Variants in CHSY3 observed in about 807,000 individuals in gnomAD.
CHSY3 encodes N-acetylgalactosaminyl-proteoglycan 3-beta-glucuronosyltransferase 3.
A neutral mutation model predicts 67.2 loss-of-function variants in CHSY3; 35 were observed. That is an observed-to-expected ratio of 0.52 (90% CI 0.40 to 0.69). The LOEUF is 0.69. CHSY3 is among the 30% of genes least tolerant of loss of function. The pLI, the probability that CHSY3 is intolerant of heterozygous loss-of-function variation, is 0.00. For synonymous variants in CHSY3, 474 were observed against 434.7 expected (o/e 1.09, Z -1.12); for missense variants, 1,069 against 1,138.5 (o/e 0.94, Z 0.88).
intron 2 of CHSY3, among the ~76,000 whole-genome samples, chr5:129,975,410 A>G (rs1297674687): frequency 6.6e-6 from 1 of 152,172 alleles, no homozygotes; most frequent in Non-Finnish European, 1.5e-5. Flanking sequence ...TGAAGGAAGT[A>G]GCAAGTTGAA....
At chr5:129,946,023 C>T (rs1213197920) in intron 2 of CHSY3, among the ~76,000 whole-genome samples, 1 of 152,128 alleles carries the variant, frequency 6.6e-6, no homozygotes, top group African/African-American at 2.4e-5. Flanking sequence ...TCTTCCCACA[C>T]TTAGCTGTGA....
intron 2 of CHSY3, among the ~76,000 whole-genome samples, chr5:130,081,831 C>A (rs1432063276): frequency 6.6e-6 from 1 of 152,048 alleles, no homozygotes; most frequent in Non-Finnish European, 1.5e-5. Flanking sequence ...TTATAAATTA[C>A]CCACTCTCGG....
At chr5:130,089,143 G>T (rs375124518) in intron 2 of CHSY3, among the ~76,000 whole-genome samples, 2 of 145,698 alleles carry the variant, frequency 1.4e-5, no homozygotes, top group African/African-American at 5.1e-5. Context: ...AACACTGCAT[G>T]TTCTCACTCA....
chr5:130,152,783 G>T (rs191452747), intron 2 of CHSY3, among the ~76,000 whole-genome samples: 10 of 152,244 alleles, frequency 6.6e-5, no homozygotes, highest in African/African-American at 2.2e-4. Flanking sequence ...CTGTAAAATG[G>T]CCTTCTTTCA....
rs201270249 is a variant in CHSY3 at position 130,165,944 on chromosome 5, A to G, written c.1087-18285A>G. Among the ~76,000 whole-genome samples, 8 of 152,196 alleles carry G rather than the reference A, an allele frequency of 5.3e-5. No individual in the cohort carries two copies. In the East Asian group the frequency reaches 7.7e-4, roughly 15 times the overall value. On this transcript the variant is annotated intron_variant, in intron 2 of 2. Transcript: ENST00000305031. ...AGATGGTATTCACGTGAATATTTTG[A>G]TTACACTGATCTGTTTTAAACAATT...
At chr5:129,918,923 A>C (rs1426644901) in intron 2 of CHSY3, among the ~76,000 whole-genome samples, 12 of 149,080 alleles carry the variant, frequency 8.0e-5, no homozygotes, top group Non-Finnish European at 1.6e-4. Context: ...CTGGCTAACA[A>C]GGTGAAACCC....
At chr5:130,103,846 G>C (rs182793117) in intron 2 of CHSY3, among the ~76,000 whole-genome samples, 1 of 151,948 alleles carries the variant, frequency 6.6e-6, no homozygotes, top group Non-Finnish European at 1.5e-5. Context: ...GCTATCCTTT[G>C]CTTTACACAT....
intron 1 of CHSY3, chr5:129,905,902 T>A: frequency 1.5e-6 from 1 of 679,384 alleles, no homozygotes; most frequent in Non-Finnish European, 2.3e-6. Flanking sequence ...CGCTTGTCCC[T>A]TAGTCTTTAC....
chr5:130,019,074 C>T (rs1330600789), intron 2 of CHSY3, among the ~76,000 whole-genome samples: 1 of 152,054 alleles, frequency 6.6e-6, no homozygotes, highest in African/African-American at 2.4e-5. Context: ...AAATTAAACC[C>T]TTTATTAACT....
chr5:130,065,400 A>AT (rs1313623030), intron 2 of CHSY3, among the ~76,000 whole-genome samples: 1 of 152,128 alleles, frequency 6.6e-6, no homozygotes, highest in African/African-American at 2.4e-5. Context: ...CATGTAGGCC[A>AT]TTGGCCCTTC....
At chr5:129,985,519 G>T (rs114036358) in intron 2 of CHSY3, among the ~76,000 whole-genome samples, 3,817 of 149,694 alleles carry the variant, frequency 0.025, 72 homozygotes, top group African/African-American at 0.065. Flanking sequence ...TTTTTTTTTT[G>T]GTTCCAAATG....
chr5:129,987,746 TA>T (rs1351599847), intron 2 of CHSY3, among the ~76,000 whole-genome samples: 2 of 152,286 alleles, frequency 1.3e-5, no homozygotes, highest in East Asian at 3.9e-4. Context: ...ATAAATTTAA[TA>T]AAATAATAGC....
intron 2 of CHSY3, among the ~76,000 whole-genome samples, chr5:130,153,403 C>G (rs1342922287): frequency 6.6e-6 from 1 of 152,080 alleles, no homozygotes; most frequent in Non-Finnish European, 1.5e-5. Flanking sequence ...GATGTTTTCT[C>G]AAAACATCAT....
intron 2 of CHSY3, chr5:130,002,249 A>G (rs565584303): frequency 0.023 from 3,734 of 160,118 alleles, 66 homozygotes; most frequent in Non-Finnish European, 0.036. Context: ...GCCCAGGATC[A>G]AAAAAGAAGA....
intron 2 of CHSY3, among the ~76,000 whole-genome samples, chr5:130,096,167 AAT>A (rs138972905): frequency 2.0e-4 from 30 of 149,832 alleles, no homozygotes; most frequent in Admixed American, 2.0e-4. Flanking sequence ...AAACTGGAGA[AAT>A]ATATATATAT....
intron 2 of CHSY3, among the ~76,000 whole-genome samples, chr5:129,933,166 C>G (rs974782124): frequency 6.6e-6 from 1 of 152,110 alleles, no homozygotes; most frequent in African/African-American, 2.4e-5. Context: ...GATGAGCCAT[C>G]AAACAAAGGT....
At chr5:129,963,555 C>A (rs921241468) in intron 2 of CHSY3, among the ~76,000 whole-genome samples, 1 of 151,938 alleles carries the variant, frequency 6.6e-6, no homozygotes, top group Non-Finnish European at 1.5e-5. Flanking sequence ...ACTATGGAGT[C>A]AGTTTTCAGC....
chr5:130,160,572 G>A (rs141109441), intron 2 of CHSY3, among the ~76,000 whole-genome samples: 2 of 152,338 alleles, frequency 1.3e-5, no homozygotes, highest in Admixed American at 6.5e-5. Context: ...GGCATTTGGA[G>A]ATGCTTTCTG....
chr5:129,939,076 G>A (rs1761610689), intron 2 of CHSY3, among the ~76,000 whole-genome samples: 1 of 152,176 alleles, frequency 6.6e-6, no homozygotes, highest in African/African-American at 2.4e-5. Flanking sequence ...CTCTTGGGGA[G>A]CCCTCAGGAA....
Sources: allele counts gnomAD v4.1 joint callset (sites outside exome capture counted in the v4.1 genomes callset), GRCh38; gene constraint gnomAD v4.1.1; transcripts MANE v1.5; gene names NCBI Gene and HGNC (gene_info 2026-07-23, HGNC 2026-07-21).